DCDC2C: variants seen among roughly 807,000 people sequenced by gnomAD.
DCDC2C encodes doublecortin domain-containing protein 2C.
In DCDC2C, 44 loss-of-function variants were observed where a neutral mutation model predicts 45.0. That is an observed-to-expected ratio of 0.98 (90% CI 0.77 to 1.26). The LOEUF is 1.26. DCDC2C is among the 50% of genes most tolerant of loss of function. DCDC2C has a pLI of 0.00. For missense variants in DCDC2C, 447 were observed against 468.9 expected (o/e 0.95, Z 0.43); for synonymous variants, 187 against 178.8 (o/e 1.05, Z -0.37).
chr2:3,783,598 C>T (rs935301857), intron 9 of DCDC2C, among the ~76,000 whole-genome samples: 4 of 152,258 alleles, frequency 2.6e-5, no homozygotes, highest in African/African-American at 4.8e-5. Flanking sequence ...TTGGTGTCAT[C>T]GTTAGTGCCT....
intron 4 of DCDC2C, among the ~76,000 whole-genome samples, chr2:3,750,036 G>A (rs114101724): frequency 0.02 from 2,747 of 134,912 alleles, 48 homozygotes; most frequent in Non-Finnish European, 0.028. Flanking sequence ...CCCACTCCTT[G>A]CCTTCCTCTG....
At chr2:3,756,317 C>T (rs1038155391) in intron 6 of DCDC2C, among the ~76,000 whole-genome samples, 2 of 152,160 alleles carry the variant, frequency 1.3e-5, no homozygotes, top group African/African-American at 2.4e-5. Context: ...CTATTGAACA[C>T]GTACTCTTTC....
At chr2:3,747,924 C>A (rs964992135) in intron 4 of DCDC2C, among the ~76,000 whole-genome samples, 4 of 152,018 alleles carry the variant, frequency 2.6e-5, no homozygotes, top group African/African-American at 9.7e-5. Context: ...CTGGTCAGGG[C>A]GGGCTTCTCT....
intron 10 of DCDC2C, among the ~76,000 whole-genome samples, chr2:3,830,886 T>C (rs1285578701): frequency 1.3e-5 from 2 of 152,226 alleles, no homozygotes. Context: ...ATCTCAAATT[T>C]CTATTTCTTT....
At chr2:3,743,770 GA>G (rs1227900099) in intron 4 of DCDC2C, among the ~76,000 whole-genome samples, 1 of 152,112 alleles carries the variant, frequency 6.6e-6, no homozygotes, top group African/African-American at 2.4e-5. Flanking sequence ...ATTTTATAAA[GA>G]AAAATGCCTA....
chr2:3,799,553 A>G (rs1349998890), intron 10 of DCDC2C, among the ~76,000 whole-genome samples: 3 of 150,394 alleles, frequency 2.0e-5, no homozygotes, highest in Admixed American at 6.6e-5. Context: ...TTTGGTGTGG[A>G]TGTCCTTTCT....
intron 10 of DCDC2C, among the ~76,000 whole-genome samples, chr2:3,819,695 G>T (rs1215001451): frequency 2.0e-5 from 3 of 152,212 alleles, no homozygotes; most frequent in African/African-American, 7.2e-5. Context: ...CCATGAACTG[G>T]GCTGGGTTTT....
intron 10 of DCDC2C, among the ~76,000 whole-genome samples, chr2:3,813,697 G>T (rs1305090150): frequency 1.5e-5 from 2 of 133,864 alleles, no homozygotes; most frequent in Non-Finnish European, 1.6e-5. Context: ...GCTGGTTAAA[G>T]TCTGTTTTAT....
At chr2:3,828,971 C>T (rs965905010) in intron 10 of DCDC2C, among the ~76,000 whole-genome samples, 2 of 152,066 alleles carry the variant, frequency 1.3e-5, no homozygotes, top group Non-Finnish European at 2.9e-5. Context: ...AATTAGGAAG[C>T]GGAGGGGTAT....
chr2:3,822,338 T>G (rs1671709714), intron 10 of DCDC2C, among the ~76,000 whole-genome samples: 1 of 152,194 alleles, frequency 6.6e-6, no homozygotes, highest in African/African-American at 2.4e-5. Context: ...CTTCTTGAGT[T>G]ACTTTCAGTA....
intron 10 of DCDC2C, among the ~76,000 whole-genome samples, chr2:3,816,619 G>A (rs9636367): frequency 0.1 from 15,167 of 152,238 alleles, 1,029 homozygotes; most frequent in East Asian, 0.29. Flanking sequence ...ACGAGAATAA[G>A]AGTGAGTATA....
At chr2:3,833,665 C>T (rs1672004577) in intron 10 of DCDC2C, among the ~76,000 whole-genome samples, 1 of 152,192 alleles carries the variant, frequency 6.6e-6, no homozygotes, top group Non-Finnish European at 1.5e-5. Flanking sequence ...AATGTTACTG[C>T]AGCCAAAAGA....
intron 6 of DCDC2C, among the ~76,000 whole-genome samples, chr2:3,763,481 C>T (rs534541304): frequency 1.3e-5 from 2 of 152,312 alleles, no homozygotes; most frequent in African/African-American, 4.8e-5. Context: ...TTGCCCTTGA[C>T]CCTGGCTCAT....
chr2:3,735,977 G>A (rs1669011665), intron 3 of DCDC2C, among the ~76,000 whole-genome samples: 1 of 152,080 alleles, frequency 6.6e-6, no homozygotes, highest in Non-Finnish European at 1.5e-5. Context: ...TCTTGTGGAG[G>A]GGCATGGAAG....
chr2:3,736,196 A>C (rs983069000), intron 3 of DCDC2C, among the ~76,000 whole-genome samples: 5 of 152,192 alleles, frequency 3.3e-5, no homozygotes, highest in African/African-American at 1.2e-4. Flanking sequence ...CTGGGGACAC[A>C]GTGGATTCTA....
At chr2:3,779,580 G>A (rs1250656240) in intron 9 of DCDC2C, among the ~76,000 whole-genome samples, 2 of 152,200 alleles carry the variant, frequency 1.3e-5, no homozygotes, top group African/African-American at 4.8e-5. Flanking sequence ...AATTCTGTCT[G>A]TGGATCTTTA....
rs1671612815 is a variant in DCDC2C at position 3,818,783 on chromosome 2, AAGG to A, written c.1066-28367_1066-28365del. Among the ~76,000 whole-genome samples the A allele has an allele frequency of 6.6e-6, 1 of 152,022 alleles. No individual in the cohort carries two copies. The highest frequency in any genetic ancestry group is 6.6e-5 in the Admixed American group (1 of 15,264). ...TGGGGAGATACAAGGGGAGAATGTG[AAGG>A]AGGCTTTGAACTGGGGAAAAGGGTG... On this transcript the variant is annotated intron_variant, in intron 10 of 10. Transcript: ENST00000399143. This position sits in a 1 kb window ranked among gnomAD's most constrained non-coding sequence, Gnocchi z 4.7.
intron 2 of DCDC2C, among the ~76,000 whole-genome samples, chr2:3,712,327 G>A (rs1161195498): frequency 1.3e-5 from 2 of 152,006 alleles, no homozygotes; most frequent in African/African-American, 4.8e-5. Flanking sequence ...GTGGCTTATG[G>A]GGATGCACCT....
chr2:3,739,166 G>A (rs1265256329), intron 3 of DCDC2C, among the ~76,000 whole-genome samples: 1 of 152,168 alleles, frequency 6.6e-6, no homozygotes, highest in Non-Finnish European at 1.5e-5. Flanking sequence ...TAAAAATGTG[G>A]AAATCTAGAA....
Sources: allele counts gnomAD v4.1 joint callset (sites outside exome capture counted in the v4.1 genomes callset), GRCh38; gene constraint gnomAD v4.1.1; non-coding constraint Gnocchi (gnomAD v3.1); transcripts MANE v1.5; gene names NCBI Gene and HGNC (gene_info 2026-07-23, HGNC 2026-07-21).